ZNF555: variants seen among roughly 807,000 people sequenced by gnomAD.
ZNF555 encodes zinc finger protein 555.
A neutral mutation model predicts 14.0 loss-of-function variants in ZNF555; 10 were observed. The observed-to-expected ratio is 0.72, with a 90% confidence interval of 0.44 to 1.21. The LOEUF (loss-of-function observed/expected upper bound fraction) is 1.21. ZNF555 is among the 50% of genes most tolerant of loss of function. The probability of loss-of-function intolerance (pLI) is 0.00; values close to 1 mark genes in which losing one functional copy is unlikely to be tolerated. For missense variants in ZNF555, 747 were observed against 762.0 expected (o/e 0.98, Z 0.23); for synonymous variants, 277 against 262.4 (o/e 1.06, Z -0.54).
intron 1 of ZNF555, 142 bp downstream of exon 1, chr19:2,841,717 T>C (rs1417853570): frequency 3.9e-6 from 4 of 1,019,278 alleles, no homozygotes; most frequent in Non-Finnish European, 5.1e-6. Context: ...GCCCCGGGGG[T>C]CCCGCCCGGC....
intron 1 of ZNF555, among the ~76,000 whole-genome samples, chr19:2,842,104 C>G (rs1356742227): frequency 6.6e-6 from 1 of 152,086 alleles, no homozygotes; most frequent in Non-Finnish European, 1.5e-5. Context: ...CCCGCGCCTC[C>G]GGCCGCGGTC....
chr19:2,842,661 G>A (rs984553350), intron 1 of ZNF555, among the ~76,000 whole-genome samples: 11 of 152,294 alleles, frequency 7.2e-5, no homozygotes, highest in Middle Eastern at 3.4e-3. Context: ...CCCTCCCTGG[G>A]TTTGTCACTG....
intron 1 of ZNF555, among the ~76,000 whole-genome samples, chr19:2,842,311 G>GGGTTCCT: frequency 6.6e-6 from 1 of 152,308 alleles, no homozygotes; most frequent in South Asian, 2.1e-4. Context: ...AAAAAAACAA[G>GGGTTCCT]GGTTCCTGGT....
Position 2,853,162 on chromosome 19 carries a change from A to G in ZNF555, c.1097A>G (p.Lys366Arg), listed in dbSNP as rs767870751. 6.2e-6 allele frequency: 10 copies of G among 1,614,174 alleles called. No homozygotes were observed. The South Asian group carries it at 9.9e-5, about 16-fold the overall frequency. Residue 366 changes from lysine (K) to arginine (R), a missense_variant, in exon 4 of 4, where the codon AAA (lysine) becomes AGA (arginine). Transcript: ENST00000334241. ...RRHERIHTGEKPYECKQCGKT... is the reference protein window; with the variant it reads ...RRHERIHTGERPYECKQCGKT... ...CATGAAAGGATTCACACTGGAGAGA[A>G]ACCCTACGAATGCAAACAGTGTGGG...
In ZNF555 at chr19:2,853,395, A is replaced by T; in HGVS notation, c.1330A>T (p.Arg444Ter). The change falls in exon 4 of 4, where the codon AGA becomes TGA. Residue 444 changes from arginine (R) to a stop codon, truncating the protein, a stop_gained. Transcript: ENST00000334241. LOFTEE classifies it low-confidence loss of function (END_TRUNC). Reference protein sequence around the residue: ...NWPISLRKHMRTHTREKPYEC... With the variant: ...NWPISLRKHM ...GCCCATATCTTTACGAAAACATATG[A>T]GAACACATACTAGAGAGAAACCCTA... The T allele has an allele frequency of 6.2e-7, 1 of 1,614,142 alleles. No homozygotes were observed. The highest frequency in any genetic ancestry group is 8.5e-7 in the Non-Finnish European group (1 of 1,179,992).
Position 2,852,575 on chromosome 19 carries a change from A to G in ZNF555, c.510A>G (p.Lys170=). ...CCATCACAGTTCACACTGGACACAA[A>G]CCATATCAGTGCCAGGAATGTGGGC... ...KSPITVHTGH[K]PYQCQECGQA... The change falls in exon 4 of 4, where the codon AAA becomes AAG. Residue 170 remains lysine (K), a synonymous_variant. Coordinates refer to ENST00000334241, the MANE Select transcript of ZNF555 (RefSeq NM_152791.5). 1.2e-6 allele frequency: 2 copies of G among 1,614,136 alleles called. No homozygotes were observed. Among genetic ancestry groups the G allele is most frequent in the African/African-American group, 1.3e-5 (1 of 75,068 alleles).
chr19:2,853,454 G>C lies in ZNF555; in HGVS notation c.1389G>C (p.Leu463Phe), dbSNP rs543603585. ...AGCAGTGTGGGAAAGCCTTCAGCTTGTCTGCTTGCTTTCGAGAACATGTGA... is the reference window on the plus strand; with the variant it reads ...AGCAGTGTGGGAAAGCCTTCAGCTTCTCTGCTTGCTTTCGAGAACATGTGA... ...ECKQCGKAFS[L>F]SACFREHVRM... Residue 463 changes from leucine to phenylalanine, a missense_variant, in exon 4 of 4, where the codon TTG becomes TTC. Leu to Phe is a conservative substitution (Grantham distance 22). Coordinates refer to ENST00000334241, the MANE Select transcript of ZNF555 (RefSeq NM_152791.5). The C allele has an allele frequency of 5.0e-6, 8 of 1,613,968 alleles. No homozygotes were observed. The highest frequency in any genetic ancestry group is 6.8e-6 in the Non-Finnish European group (8 of 1,180,010).
rs1329400464 is a variant in ZNF555, at chr19:2,859,435, T to C, written c.*5483T>C. The C allele has an allele frequency of 6.6e-6, 1 of 152,134 alleles. No homozygotes were observed. The highest frequency in any genetic ancestry group is 1.5e-5 in the Non-Finnish European group (1 of 68,040). The allele number at this position is 152,134 out of a possible 1,614,324, so 9.4% of individuals were successfully genotyped here. A position where few individuals can be genotyped will look rare whatever the true frequency, so the allele number is the denominator to read the frequency against. ...CACGACAGACGGGGAAGGACCCTGA[T>C]GGTCCGAGGGACCTTCCACAGCAAG... On this transcript the variant is annotated 3_prime_UTR_variant, in exon 4 of 4. Coordinates refer to ENST00000334241, the MANE Select transcript of ZNF555 (RefSeq NM_152791.5).
Position 2,853,555 on chromosome 19 carries a change from A to C in ZNF555, c.1490A>C (p.Lys497Thr). Residue 497 changes from lysine (K) to threonine (T), a missense_variant, in exon 4 of 4, where the codon AAA (lysine) becomes ACA (threonine). Coordinates refer to ENST00000334241, the MANE Select transcript of ZNF555 (RefSeq NM_152791.5). Reference sequence around the variant, plus strand: ...TTCTATTGCCACATATCCTTACAAAAACATATGAGAAGACATACCGCAGAG... The same window carrying C: ...TTCTATTGCCACATATCCTTACAAACACATATGAGAAGACATACCGCAGAG... ...KAFYCHISLQ[K>T]HMRRHTAEKL... 1.9e-6 allele frequency: 3 copies of C among 1,610,972 alleles called. No individual in the cohort carries two copies. Among genetic ancestry groups the C allele is most frequent in the Non-Finnish European group, 2.5e-6 (3 of 1,177,714 alleles).
intron 1 of ZNF555, among the ~76,000 whole-genome samples, chr19:2,843,207 A>G (rs2087553444): frequency 6.6e-6 from 1 of 151,852 alleles, no homozygotes; most frequent in Non-Finnish European, 1.5e-5. Flanking sequence ...TCTGTTGCCC[A>G]TGCTGGAGTG....
At chr19:2,845,709 T>A (rs796837007) in intron 1 of ZNF555, among the ~76,000 whole-genome samples, 2 of 152,340 alleles carry the variant, frequency 1.3e-5, no homozygotes, top group South Asian at 4.1e-4. Context: ...TGATGATTAG[T>A]GGTGTTGAGC....
rs2087704907 is a variant in ZNF555, at chr19:2,858,712, C to T, written c.*4760C>T. 6.6e-6 allele frequency: 1 copy of T among 152,288 alleles called. No individual in the cohort carries two copies. Among genetic ancestry groups the T allele is most frequent in the Non-Finnish European group, 1.5e-5 (1 of 68,138 alleles). 9.4% of individuals were successfully genotyped at this position (152,288 alleles called of 1,614,324 possible). A position where few individuals can be genotyped will look rare whatever the true frequency, so the allele number is the denominator to read the frequency against. On this transcript the variant is annotated 3_prime_UTR_variant, in exon 4 of 4. Transcript: ENST00000334241. ...CAGAACCCATGCCATGGAGACACGC[C>T]CATCAGCCACAGCAGCTCCTGCTAC...
Position 2,855,230 on chromosome 19 carries a change from G to A in ZNF555, c.*1278G>A, listed in dbSNP as rs892097402. On this transcript the variant is annotated 3_prime_UTR_variant, in exon 4 of 4. Coordinates refer to ENST00000334241, the MANE Select transcript of ZNF555 (RefSeq NM_152791.5). Reference sequence around the variant, plus strand: ...TTGATTATGTATCATTAAAAATAATGTGGATTTTGTTTCAAGGAAAACCTT... The same window carrying A: ...TTGATTATGTATCATTAAAAATAATATGGATTTTGTTTCAAGGAAAACCTT... 6.6e-6 allele frequency: 1 copy of A among 152,150 alleles called. No homozygotes were observed. The highest frequency in any genetic ancestry group is 2.4e-5 in the African/African-American group (1 of 41,422). 9.4% of individuals were successfully genotyped at this position (152,150 alleles called of 1,614,324 possible).
At chr19:2,851,997 A>G (rs534765417) in intron 3 of ZNF555, among the ~76,000 whole-genome samples, 5 of 152,284 alleles carry the variant, frequency 3.3e-5, no homozygotes, top group East Asian at 1.9e-4. Context: ...CTAAAAATAC[A>G]AACATTAGCA....
intron 1 of ZNF555, 96 bp downstream of exon 1, chr19:2,841,671 C>T (rs1013012057): frequency 1.0e-5 from 14 of 1,352,970 alleles, no homozygotes; most frequent in East Asian, 6.3e-5. Context: ...ACGCGGGGGG[C>T]GGCCCCGGCG....
In ZNF555 at chr19:2,853,513, A is replaced by C. The variant is rs1450678476; in HGVS notation, c.1448A>C (p.Lys483Thr). 1 of 1,614,212 alleles carries C rather than the reference A, an allele frequency of 6.2e-7. No individual in the cohort carries two copies. The highest frequency in any genetic ancestry group is 1.7e-5 in the Admixed American group (1 of 60,020). The change falls in exon 4 of 4, where the codon AAG becomes ACG. Residue 483 changes from lysine (K) to threonine (T), a missense_variant. Transcript: ENST00000334241. ...MHPEDKSYEC[K>T]LCGKAFYCHI... ...CCTGAAGACAAATCCTATGAATGCA[A>C]GCTATGTGGGAAAGCTTTCTATTGC...
At chr19:2,849,499 T>G (rs1875161248) in intron 1 of ZNF555, among the ~76,000 whole-genome samples, 1 of 150,854 alleles carries the variant, frequency 6.6e-6, no homozygotes, top group African/African-American at 2.5e-5. Flanking sequence ...TTTTTTTTTT[T>G]TCTGAGACTG....
rs776606592 is a variant in ZNF555 at position 2,852,761 on chromosome 19, A to G, written c.696A>G (p.Gln232=). 3.1e-6 allele frequency: 5 copies of G among 1,614,160 alleles called. No individual in the cohort carries two copies. Among genetic ancestry groups the G allele is most frequent in the South Asian group, 1.1e-5 (1 of 91,088 alleles). ...HTAEKTYECK[Q]CGKAFIDFSS... ...CTGAGAAAACCTACGAATGTAAGCAATGTGGGAAAGCCTTTATTGACTTCT... is the reference window on the plus strand; with the variant it reads ...CTGAGAAAACCTACGAATGTAAGCAGTGTGGGAAAGCCTTTATTGACTTCT... The change falls in exon 4 of 4, where the codon CAA becomes CAG. Residue 232 remains glutamine, a synonymous_variant. Transcript: ENST00000334241.
At chr19:2,842,133 C>A (rs569088719) in intron 1 of ZNF555, among the ~76,000 whole-genome samples, 1 of 152,224 alleles carries the variant, frequency 6.6e-6, no homozygotes, top group Admixed American at 6.5e-5. Flanking sequence ...ACCCTGGGTT[C>A]CTCCCGGGAC....
Sources: gnomAD v4.1 joint callset for allele counts (sites outside exome capture counted in the v4.1 genomes callset) on GRCh38, gnomAD v4.1.1 for gene constraint, MANE v1.5 for transcripts, NCBI Gene and HGNC (gene_info 2026-07-23, HGNC 2026-07-21) for gene names.